The following FSTL5 variants were observed in gnomAD, a reference collection of about 807,000 sequenced individuals.
FSTL5 encodes follistatin-related protein 5.
In FSTL5, 62 loss-of-function variants were observed where a neutral mutation model predicts 89.1. The observed-to-expected ratio is 0.70, with a 90% CI of 0.57 to 0.86. The LOEUF is 0.86. Among genes scored for constraint, FSTL5 ranks in the 40% least tolerant of loss-of-function variants. The probability of loss-of-function intolerance (pLI) is 0.00; values close to 1 mark genes in which losing one functional copy is unlikely to be tolerated. For synonymous variants in FSTL5, 383 were observed against 346.2 expected (o/e 1.11, Z -1.18); for missense variants, 1,057 against 1,001.6 (o/e 1.06, Z -0.75).
intron 7 of FSTL5, among the ~76,000 whole-genome samples, chr4:161,602,249 GAGAA>G (rs1376019073): frequency 2.3e-4 from 24 of 104,600 alleles, no homozygotes; most frequent in East Asian, 9.3e-4. Flanking sequence ...GAGAGAGGGA[GAGAA>G]AGAGAGAGAG....
chr4:161,627,686 C>T (rs951267786), intron 7 of FSTL5, among the ~76,000 whole-genome samples: 10 of 152,136 alleles, frequency 6.6e-5, no homozygotes, highest in African/African-American at 2.4e-4. Flanking sequence ...CATTACTACA[C>T]TGCCTAAGTC....
chr4:161,779,417 T>C (rs368693534), intron 4 of FSTL5, among the ~76,000 whole-genome samples: 1 of 152,066 alleles, frequency 6.6e-6, no homozygotes, highest in Non-Finnish European at 1.5e-5. Flanking sequence ...TTATTAATAA[T>C]AGATAACAGG....
At chr4:161,888,178 C>A (rs1445502178) in intron 4 of FSTL5, among the ~76,000 whole-genome samples, 1 of 152,142 alleles carries the variant, frequency 6.6e-6, no homozygotes, top group South Asian at 2.1e-4. Context: ...ATTTCCCAGC[C>A]TCCCTTGAAG....
Position 161,715,023 on chromosome 4 carries a change from T to G in FSTL5, c.727+44388A>C, listed in dbSNP as rs542126719. On this transcript the variant is annotated intron_variant, in intron 6 of 15. Transcript: ENST00000306100. ...TATATAAAACAAACCATATAAAATA[T>G]TTGAACAACTAATAATTTTTGATTA... Among the ~76,000 whole-genome samples the G allele has an allele frequency of 5.9e-5, 9 of 152,196 alleles. No individual in the cohort carries two copies. In the South Asian group the frequency reaches 1.7e-3, roughly 28 times the overall value.
chr4:162,064,768 T>C (rs1407139741), intron 2 of FSTL5, among the ~76,000 whole-genome samples: 2 of 152,030 alleles, frequency 1.3e-5, no homozygotes, highest in Non-Finnish European at 2.9e-5. Flanking sequence ...AAGAACTTGT[T>C]CATCGTATAA....
At chr4:161,579,625 G>C (rs1336438956) in intron 8 of FSTL5, among the ~76,000 whole-genome samples, 1 of 151,640 alleles carries the variant, frequency 6.6e-6, no homozygotes, top group East Asian at 1.9e-4. Flanking sequence ...GCTGAAACAG[G>C]AGAATTGCTT....
chr4:161,727,386 T>A (rs950483050), intron 6 of FSTL5, among the ~76,000 whole-genome samples: 8 of 152,144 alleles, frequency 5.3e-5, no homozygotes, highest in Non-Finnish European at 1.2e-4. Flanking sequence ...TACTCCTAAT[T>A]TAGATTCAAC....
At chr4:161,990,856 T>C (rs1736091332) in intron 3 of FSTL5, among the ~76,000 whole-genome samples, 1 of 152,164 alleles carries the variant, frequency 6.6e-6, no homozygotes, top group South Asian at 2.1e-4. Flanking sequence ...CAATTTGAAA[T>C]TGAACTGTGG....
chr4:162,036,802 T>C (rs561640297), intron 2 of FSTL5, among the ~76,000 whole-genome samples: 15 of 152,060 alleles, frequency 9.9e-5, no homozygotes, highest in African/African-American at 3.4e-4. Context: ...ATTCAATATA[T>C]TGACATAGAT....
Position 161,461,053 on chromosome 4 carries a change from G to A in FSTL5, c.1609-1734C>T, listed in dbSNP as rs558521742. 1.3e-3 allele frequency among the ~76,000 whole-genome samples: 203 copies of A among 151,332 alleles called. 2 individuals are homozygous for A. The highest frequency in any genetic ancestry group is 4.7e-3 in the African/African-American group (190 of 40,748). ...CTCCATTCCATCAACAGAGATAACA[G>A]AAGGCTTCCTTCCACCACATGTTCT... On this transcript the variant is annotated intron_variant, in intron 13 of 15. Coordinates refer to ENST00000306100, the MANE Select transcript of FSTL5 (RefSeq NM_020116.5).
At chr4:161,855,025 C>CTTTTTTTTTTTTTTTTTTTTTTT (rs1731681321) in intron 4 of FSTL5, among the ~76,000 whole-genome samples, 1 of 112,380 alleles carries the variant, frequency 8.9e-6, no homozygotes, top group African/African-American at 3.4e-5. Context: ...TTTTTTTTTG[C>CTTTTTTTTTTTTTTTTTTTTTTT]TTTCTAGCCT....
At chr4:161,670,279 A>T (rs529618316) in intron 6 of FSTL5, among the ~76,000 whole-genome samples, 2 of 152,264 alleles carry the variant, frequency 1.3e-5, no homozygotes, top group East Asian at 3.9e-4. Flanking sequence ...ATCAATACCC[A>T]TTTCCTATAT....
chr4:161,622,992 A>C (rs1385594229), intron 7 of FSTL5, among the ~76,000 whole-genome samples: 4 of 152,112 alleles, frequency 2.6e-5, no homozygotes, highest in African/African-American at 9.6e-5. Context: ...TGTATTATAA[A>C]AATAATTAAC....
intron 3 of FSTL5, among the ~76,000 whole-genome samples, chr4:161,931,583 T>C (rs1560923206): frequency 6.6e-6 from 1 of 151,938 alleles, no homozygotes; most frequent in Non-Finnish European, 1.5e-5. Flanking sequence ...TTTTATGTGG[T>C]CTACATGTAT....
intron 6 of FSTL5, among the ~76,000 whole-genome samples, chr4:161,707,791 A>G (rs1400869344): frequency 6.6e-6 from 1 of 151,974 alleles, no homozygotes; most frequent in Non-Finnish European, 1.5e-5. Context: ...TAATGAATAC[A>G]GAAGAAAACA....
Position 161,997,753 on chromosome 4 carries a change from C to T in FSTL5, c.160+35872G>A, listed in dbSNP as rs199620660. Among the ~76,000 whole-genome samples the T allele has an allele frequency of 1.1e-4, 16 of 151,426 alleles. No individual in the cohort carries two copies. In the East Asian group the frequency reaches 2.2e-3, roughly 20 times the overall value. On this transcript the variant is annotated intron_variant, in intron 3 of 15. Transcript: ENST00000306100. The stretch of plus-strand genomic sequence containing the variant: ...CAGAGTAGCTGGGACTAAAGGCGCC[C>T]GCCACCACGCCCGGCTAATTTTTCG...
intron 7 of FSTL5, among the ~76,000 whole-genome samples, chr4:161,609,678 G>A (rs1053888380): frequency 1.3e-5 from 2 of 151,798 alleles, no homozygotes; most frequent in Non-Finnish European, 2.9e-5. Context: ...ATGAGTACTG[G>A]AAGAAGACAT....
At chr4:161,423,417 C>A (rs926323611) in intron 15 of FSTL5, among the ~76,000 whole-genome samples, 1 of 152,046 alleles carries the variant, frequency 6.6e-6, no homozygotes, top group Non-Finnish European at 1.5e-5. Context: ...CTCTCAATTG[C>A]TTTCATTGAC....
intron 6 of FSTL5, among the ~76,000 whole-genome samples, chr4:161,732,127 C>T (rs1444605326): frequency 4.6e-5 from 7 of 152,104 alleles, no homozygotes; most frequent in African/African-American, 1.4e-4. Context: ...CCATTTTACA[C>T]CCTTCAGCAG....
Sources: allele counts gnomAD v4.1 joint callset (sites outside exome capture counted in the v4.1 genomes callset), GRCh38; gene constraint gnomAD v4.1.1; transcripts MANE v1.5; gene names NCBI Gene and HGNC (gene_info 2026-07-23, HGNC 2026-07-21).